Variants in SMCHD1 observed in about 807,000 individuals in gnomAD.
The protein encoded by SMCHD1 is structural maintenance of chromosomes flexible hinge domain-containing protein 1.
In SMCHD1, 78 loss-of-function variants were observed where a neutral mutation model predicts 254.7. The observed-to-expected ratio is 0.31, with a 90% CI of 0.26 to 0.37. SMCHD1 has a LOEUF of 0.37. Among genes scored for constraint, SMCHD1 ranks in the 10% least tolerant of loss-of-function variants. SMCHD1 has a pLI of 1.00. For synonymous variants in SMCHD1, 766 were observed against 794.9 expected, an observed-to-expected ratio of 0.96 and a Z score of 0.61; for missense variants, 1,840 against 2,408.1, an observed-to-expected ratio of 0.76 and a Z score of 4.94.
chr18:2,780,478 A>G (rs976162317), intron 44 of SMCHD1, among the ~76,000 whole-genome samples: 1 of 152,166 alleles, frequency 6.6e-6, no homozygotes, highest in Non-Finnish European at 1.5e-5. Context: ...CCGAATTATG[A>G]AATAGAAACA....
chr18:2,661,713 A>G (rs536511451), intron 1 of SMCHD1, among the ~76,000 whole-genome samples: 4 of 152,348 alleles, frequency 2.6e-5, no homozygotes, highest in Non-Finnish European at 5.9e-5. Context: ...CCCGGTTGCC[A>G]TTGTTTGAAG....
At position 2,699,721 on chromosome 18, in the gene SMCHD1, T is replaced by G. The variant is rs562079630; in HGVS notation, c.1343-818T>G. Among the ~76,000 whole-genome samples the G allele has an allele frequency of 2.0e-5, 3 of 152,350 alleles. No individual in the cohort carries two copies. The South Asian group carries it at 6.2e-4, about 32-fold the overall frequency. On this transcript the variant is annotated intron_variant, in intron 10 of 47. Transcript: ENST00000320876. Reference sequence around the variant, plus strand: ...ATATAATTTTTTTCAAATGCTGCCTTAAAAAGAAGAGCAAGTAAGTTGAGT... The same window carrying G: ...ATATAATTTTTTTCAAATGCTGCCTGAAAAAGAAGAGCAAGTAAGTTGAGT...
intron 17 of SMCHD1, among the ~76,000 whole-genome samples, chr18:2,708,538 T>C (rs567217117): frequency 6.6e-6 from 1 of 151,080 alleles, no homozygotes; most frequent in African/African-American, 2.4e-5. Context: ...CTCTAAAAAA[T>C]AAATAAATCA....
At position 2,713,884 on chromosome 18, in the gene SMCHD1, G is replaced by A. The variant is rs139798528; in HGVS notation, c.2261-4274G>A. ...CAAAATTTGTTGAGATTTGTTTTGT[G>A]GCCTAATGTATGGCCTTTCTTCAAG... On this transcript the variant is annotated intron_variant, in intron 17 of 47. Transcript: ENST00000320876. Among the ~76,000 whole-genome samples the A allele has an allele frequency of 4.1e-3, 628 of 152,268 alleles. 5 individuals carry two copies. Among genetic ancestry groups the A allele is most frequent in the African/African-American group, 0.014 (597 of 41,554 alleles).
chr18:2,672,204 G>C (rs1235874960), intron 3 of SMCHD1, among the ~76,000 whole-genome samples: 1 of 151,994 alleles, frequency 6.6e-6, no homozygotes, highest in Non-Finnish European at 1.5e-5. Flanking sequence ...GAGTAGAAGT[G>C]CTTGCTGGAG....
intron 42 of SMCHD1, among the ~76,000 whole-genome samples, 189 bp from the exon 43 acceptor site, chr18:2,777,617 A>T (rs1455645312): frequency 1.3e-5 from 2 of 152,222 alleles, no homozygotes; most frequent in East Asian, 3.8e-4. Flanking sequence ...TAGATTTTTT[A>T]TATGGTCAAT....
chr18:2,658,853 T>C (rs1019837680), intron 1 of SMCHD1, among the ~76,000 whole-genome samples: 26 of 150,744 alleles, frequency 1.7e-4, no homozygotes, highest in African/African-American at 2.4e-5. Flanking sequence ...TGTATATGTA[T>C]ATATACATAT....
intron 3 of SMCHD1, among the ~76,000 whole-genome samples, chr18:2,669,226 TTTAGC>T (rs1271314702): frequency 6.6e-6 from 1 of 152,080 alleles, no homozygotes; most frequent in African/African-American, 2.4e-5. Context: ...GCATGCCTTG[TTTAGC>T]TACTTGGGAG....
At chr18:2,660,472 GTTT>G (rs547130890) in intron 1 of SMCHD1, among the ~76,000 whole-genome samples, 10 of 126,152 alleles carry the variant, frequency 7.9e-5, no homozygotes, top group Non-Finnish European at 9.8e-5. Context: ...AAAATCCATG[GTTT>G]TTTTTTTTTT....
chr18:2,706,292 A>T (rs2074511701), intron 14 of SMCHD1, 72 bp from the exon 15 acceptor site: 3 of 1,004,754 alleles, frequency 3.0e-6, no homozygotes, highest in Admixed American at 2.7e-5. Context: ...GAAGAAACAA[A>T]TGGGTGTTTG....
At position 2,751,156 on chromosome 18, in the gene SMCHD1, A is replaced by G. The variant is rs978203219; in HGVS notation, c.4166-122A>G. The G allele has an allele frequency of 1.1e-4, 63 of 571,916 alleles. No homozygotes were observed. In the African/African-American group the frequency reaches 1.1e-3, roughly 10 times the overall value. 35.4% of individuals were successfully genotyped at this position (571,916 alleles called of 1,614,324 possible). A position where few individuals can be genotyped will look rare whatever the true frequency, so the allele number is the denominator to read the frequency against. ...ACATTTCTTCATCAGAATTGTATTA[A>G]CATTTAAATAACGTGTGCTTTAAAC... On this transcript the variant is annotated intron_variant, in intron 32 of 47. Transcript: ENST00000320876.
chr18:2,678,849 TTTTTTG>T (rs1368992640), intron 5 of SMCHD1, among the ~76,000 whole-genome samples: 237 of 11,700 alleles, frequency 0.02, 1 homozygote, highest in South Asian at 0.18. Flanking sequence ...GTTTGTTTGT[TTTTTTG>T]TTTTTTTTTT....
chr18:2,743,855 A>G lies in SMCHD1; in HGVS notation c.3728A>G (p.Asp1243Gly), dbSNP rs1353629958. The G allele has an allele frequency of 6.2e-7, 1 of 1,613,066 alleles. No individual in the cohort carries two copies. Among genetic ancestry groups the G allele is most frequent in the Non-Finnish European group, 8.5e-7 (1 of 1,179,568 alleles). ...DLCFTWREFS[D>G]FIRVQLISGP... The stretch of plus-strand genomic sequence containing the variant: ...TGTTTTACTTGGCGTGAGTTTTCTG[A>G]CTTTATTCGAGTGCAACTAATTTCT... The change falls in exon 29 of 48, where the codon GAC becomes GGC. Residue 1243 changes from aspartate to glycine, a missense_variant. Transcript: ENST00000320876.
chr18:2,693,033 A>T (rs17538329), intron 7 of SMCHD1, among the ~76,000 whole-genome samples: 26,709 of 152,220 alleles, frequency 0.18, 2,774 homozygotes, highest in South Asian at 0.31. Context: ...GTGTATAGAG[A>T]TGCATTATAA....
chr18:2,760,729 A>G lies in SMCHD1; in HGVS notation c.4424A>G (p.Asn1475Ser), dbSNP rs763575064. ...ATGATGGATAAAACAAATATTCTCAACAGTGAACAGGTTTGCTTACTTTTT... is the reference window on the plus strand; with the variant it reads ...ATGATGGATAAAACAAATATTCTCAGCAGTGAACAGGTTTGCTTACTTTTT... ...GFMMDKTNIL[N>S]SEQVIVEVLP... Residue 1475 changes from asparagine (N) to serine (S), a missense_variant, in exon 35 of 48, where the codon AAC (asparagine) becomes AGC (serine). Asn to Ser is a conservative substitution (Grantham distance 46, BLOSUM62 1). Coordinates refer to ENST00000320876, the MANE Select transcript of SMCHD1 (RefSeq NM_015295.3). 1.3e-6 allele frequency: 2 copies of G among 1,598,636 alleles called. No homozygotes were observed. The highest frequency in any genetic ancestry group is 1.7e-5 in the Admixed American group (1 of 59,736).
chr18:2,681,012 T>C (rs1404240798), intron 5 of SMCHD1, among the ~76,000 whole-genome samples: 1 of 152,230 alleles, frequency 6.6e-6, no homozygotes, highest in Non-Finnish European at 1.5e-5. Context: ...ACACCTGTAA[T>C]GCCAGCACTT....
chr18:2,706,381 T>C lies in SMCHD1; in HGVS notation c.1974T>C (p.Tyr658=). 6.3e-7 allele frequency: 1 copy of C among 1,582,940 alleles called. No homozygotes were observed. Residue 658 remains tyrosine, a synonymous_variant, in exon 15 of 48, where the codon TAT becomes TAC. Transcript: ENST00000320876. Reference sequence around the variant, plus strand: ...TTATTCAGGAACCTCAGGCACTATATGATGAAGTAAGAACTGTGCCAATTG... The same window carrying C: ...TTATTCAGGAACCTCAGGCACTATACGATGAAGTAAGAACTGTGCCAATTG... ...VQIAMEPQAL[Y]DEVRTVPIAK...
chr18:2,790,324 T>C (rs1462604673), intron 45 of SMCHD1, among the ~76,000 whole-genome samples: 1 of 152,206 alleles, frequency 6.6e-6, no homozygotes, highest in African/African-American at 2.4e-5. Context: ...GTGAGTGCAG[T>C]ACAATAAGAT....
intron 25 of SMCHD1, among the ~76,000 whole-genome samples, chr18:2,734,629 G>A (rs1461361265): frequency 7.0e-6 from 1 of 142,358 alleles, no homozygotes; most frequent in Non-Finnish European, 1.5e-5. Flanking sequence ...CTTTTTTGTG[G>A]AACTCTTGCT....
Sources: gnomAD v4.1 joint callset for allele counts (sites outside exome capture counted in the v4.1 genomes callset) on GRCh38, gnomAD v4.1.1 for gene constraint, MANE v1.5 for transcripts, NCBI Gene and HGNC (gene_info 2026-07-23, HGNC 2026-07-21) for gene names.